The following SEC22A variants were observed in gnomAD, a reference collection of about 807,000 sequenced individuals.
SEC22A encodes vesicle-trafficking protein SEC22a.
A neutral mutation model predicts 35.3 loss-of-function variants in SEC22A; 22 were observed. The ratio of observed to expected loss-of-function variants is 0.62; its 90% CI spans 0.45 to 0.89. The LOEUF (loss-of-function observed/expected upper bound fraction) is 0.89, where lower values mean the gene tolerates loss of function less well. Among genes scored for constraint, SEC22A ranks in the 40% least tolerant of loss-of-function variants. The probability of loss-of-function intolerance (pLI) is 0.00; values close to 1 mark genes in which losing one functional copy is unlikely to be tolerated. For synonymous variants in SEC22A, 119 were observed against 129.5 expected (o/e 0.92, Z 0.55); for missense variants, 354 against 362.5 (o/e 0.98, Z 0.19).
chr3:123,248,658 C>T lies in SEC22A; in HGVS notation c.657+2644C>T, dbSNP rs1296491048. Among the ~76,000 whole-genome samples, 6 of 152,116 alleles carry T rather than the reference C, an allele frequency of 3.9e-5. No individual in the cohort carries two copies. The East Asian group carries it at 1.2e-3, about 29-fold the overall frequency. On this transcript the variant is annotated intron_variant, in intron 5 of 6. Transcript: ENST00000492595. ...ATATTGTTTAGGTATCATTTCTTCC[C>T]AACTTGGTCTATAGATTCAATACAG...
chr3:123,241,482 G>A (rs995341441), intron 4 of SEC22A, among the ~76,000 whole-genome samples: 1 of 152,090 alleles, frequency 6.6e-6, no homozygotes, highest in Non-Finnish European at 1.5e-5. Context: ...TCTTTGAATC[G>A]TCATAAGGAC....
At chr3:123,235,441 CAT>C (rs76915942) in intron 4 of SEC22A, among the ~76,000 whole-genome samples, 29,843 of 152,066 alleles carry the variant, frequency 0.2, 3,007 homozygotes, top group Middle Eastern at 0.27. Flanking sequence ...TGTTCAACGT[CAT>C]AGTCATTAGG....
chr3:123,237,999 A>G (rs975348205), intron 4 of SEC22A, among the ~76,000 whole-genome samples: 1 of 151,910 alleles, frequency 6.6e-6, no homozygotes. Context: ...AAAAAAAATT[A>G]AAAGATTAGC....
chr3:123,270,512 T>G (rs895324248), intron 6 of SEC22A, among the ~76,000 whole-genome samples: 9 of 152,174 alleles, frequency 5.9e-5, no homozygotes, highest in African/African-American at 2.2e-4. Context: ...GTTGTGAATT[T>G]TAGACATCTT....
intron 6 of SEC22A, among the ~76,000 whole-genome samples, chr3:123,262,846 TC>T (rs758815405): frequency 2.0e-5 from 3 of 152,248 alleles, no homozygotes; most frequent in Non-Finnish European, 4.4e-5. Context: ...GTAAAGTTTT[TC>T]TAATTAAACT....
intron 4 of SEC22A, among the ~76,000 whole-genome samples, chr3:123,231,115 G>T (rs185779294): frequency 1.3e-5 from 2 of 152,272 alleles, no homozygotes. Flanking sequence ...TTAAGATAGA[G>T]CTATAAACAT....
chr3:123,266,269 T>G (rs1938024251), intron 6 of SEC22A, among the ~76,000 whole-genome samples: 1 of 152,134 alleles, frequency 6.6e-6, no homozygotes, highest in Non-Finnish European at 1.5e-5. Context: ...CCTACTGTTT[T>G]TATGGCTTCA....
rs11433747 is a variant in SEC22A, at chr3:123,258,720, G to GTT, written c.658-795_658-794dup. Among the ~76,000 whole-genome samples the GTT allele has an allele frequency of 1.0e-4, 15 of 149,270 alleles. No homozygotes were observed. The South Asian group carries it at 1.3e-3, about 13-fold the overall frequency. Reference sequence around the variant, plus strand: ...GTGGAAATTATCATTGTATAAAGAGGTTTTTTTTTTCTCTCTAATATAAGA... The same window carrying GTT: ...GTGGAAATTATCATTGTATAAAGAGGTTTTTTTTTTTTCTCTCTAATATAAGA... On this transcript the variant is annotated intron_variant, in intron 5 of 6. Coordinates refer to ENST00000492595, the MANE Select transcript of SEC22A (RefSeq NM_012430.5).
At chr3:123,234,559 T>C (rs1937381673) in intron 4 of SEC22A, among the ~76,000 whole-genome samples, 1 of 151,994 alleles carries the variant, frequency 6.6e-6, no homozygotes, top group Admixed American at 6.6e-5. Flanking sequence ...AGATACCACA[T>C]GCAAAAGAAT....
chr3:123,236,759 A>G lies in SEC22A; in HGVS notation c.542-9140A>G, dbSNP rs528907957. Among the ~76,000 whole-genome samples, 4 of 152,200 alleles carry G rather than the reference A, an allele frequency of 2.6e-5. No homozygotes were observed. In the South Asian group the frequency reaches 8.3e-4, roughly 32 times the overall value. ...TAAAATGTTTGGCAAACAATCATAG[A>G]TAATTAAGCACCTTAAGAGACTACA... On this transcript the variant is annotated intron_variant, in intron 4 of 6. Coordinates refer to ENST00000492595, the MANE Select transcript of SEC22A (RefSeq NM_012430.5).
chr3:123,214,325 A>G (rs990033520), intron 2 of SEC22A, among the ~76,000 whole-genome samples: 5 of 152,364 alleles, frequency 3.3e-5, no homozygotes, highest in Admixed American at 6.5e-5. Flanking sequence ...TGTTTCGCCA[A>G]TGAAGGACAT....
At chr3:123,203,471 A>G (rs768412705) in intron 1 of SEC22A, among the ~76,000 whole-genome samples, 8 of 152,228 alleles carry the variant, frequency 5.3e-5, no homozygotes, top group Non-Finnish European at 1.0e-4. Context: ...CCTATGAGAT[A>G]GATACTATTG....
intron 5 of SEC22A, among the ~76,000 whole-genome samples, chr3:123,255,335 T>C (rs565598809): frequency 1.6e-4 from 25 of 152,196 alleles, no homozygotes; most frequent in Non-Finnish European, 3.2e-4. Flanking sequence ...TGATACACTT[T>C]CTTCCTCCAC....
chr3:123,261,812 A>C (rs1937899165), intron 6 of SEC22A, among the ~76,000 whole-genome samples: 1 of 152,152 alleles, frequency 6.6e-6, no homozygotes, highest in Non-Finnish European at 1.5e-5. Flanking sequence ...ACTTAAACCC[A>C]GATCTTTGTG....
intron 2 of SEC22A, among the ~76,000 whole-genome samples, chr3:123,213,560 G>A (rs568929801): frequency 6.6e-6 from 1 of 152,018 alleles, no homozygotes; most frequent in East Asian, 1.9e-4. Context: ...ATCACCTGTA[G>A]AACTCGGTTG....
At chr3:123,232,696 C>A (rs574996386) in intron 4 of SEC22A, among the ~76,000 whole-genome samples, 5 of 151,854 alleles carry the variant, frequency 3.3e-5, no homozygotes, top group Admixed American at 3.3e-4. Flanking sequence ...AAAATACTTC[C>A]GTATTCTGTG....
At chr3:123,210,019 A>C (rs942775414) in intron 2 of SEC22A, among the ~76,000 whole-genome samples, 2 of 152,208 alleles carry the variant, frequency 1.3e-5, no homozygotes, top group Admixed American at 1.3e-4. Flanking sequence ...AATTATGGAC[A>C]ATTAATAGAG....
chr3:123,223,659 A>G lies in SEC22A; in HGVS notation c.283A>G (p.Ile95Val), dbSNP rs376097421. The change falls in exon 3 of 7, where the codon ATT becomes GTT. Residue 95 changes from isoleucine (I) to valine (V), a missense_variant. Coordinates refer to ENST00000492595, the MANE Select transcript of SEC22A (RefSeq NM_012430.5). ...CCTGGATGAGCTTCAGAAGGAGTTCATTACTACTTATAACATGATGAAGAC... is the reference window on the plus strand; with the variant it reads ...CCTGGATGAGCTTCAGAAGGAGTTCGTTACTACTTATAACATGATGAAGAC... ...SFLDELQKEF[I>V]TTYNMMKTNT... is the part of the protein sequence containing the mutation. The G allele has an allele frequency of 6.8e-5, 110 of 1,613,122 alleles. No individual in the cohort carries two copies. Among genetic ancestry groups the G allele is most frequent in the Non-Finnish European group, 8.3e-5 (98 of 1,179,290 alleles).
intron 1 of SEC22A, among the ~76,000 whole-genome samples, chr3:123,206,467 C>T (rs1038113944): frequency 6.6e-6 from 1 of 152,142 alleles, no homozygotes; most frequent in African/African-American, 2.4e-5. Flanking sequence ...TTGCAGTGTA[C>T]TTCTGGAAAG....
Sources: allele counts gnomAD v4.1 joint callset (sites outside exome capture counted in the v4.1 genomes callset), GRCh38; gene constraint gnomAD v4.1.1; transcripts MANE v1.5; gene names NCBI Gene and HGNC (gene_info 2026-07-23, HGNC 2026-07-21).